Variants in LINGO3 observed in about 807,000 individuals in gnomAD.
LINGO3 encodes the protein leucine rich repeat and Ig domain containing 3.
For synonymous variants in LINGO3, 427 were observed against 444.2 expected (o/e 0.96, Z 0.49); for missense variants, 750 against 867.7 (o/e 0.86, Z 1.70).
At chr19:2,299,967 C>G in the LINGO3 span, among the ~76,000 whole-genome samples, 1 of 151,036 alleles carries the variant, frequency 6.6e-6, no homozygotes, top group African/African-American at 2.4e-5. Flanking sequence ...TCGTGATCCA[C>G]CGGCCTCGGC....
chr19:2,304,145 C>T, the LINGO3 span, among the ~76,000 whole-genome samples: 8 of 152,214 alleles, frequency 5.3e-5, no homozygotes, highest in Non-Finnish European at 1.0e-4. Flanking sequence ...AACATTCATT[C>T]AACAAGCATT....
the LINGO3 span, among the ~76,000 whole-genome samples, chr19:2,302,738 C>CACG: frequency 1.3e-5 from 2 of 152,262 alleles, no homozygotes; most frequent in African/African-American, 4.8e-5. Context: ...CATTACCATG[C>CACG]ACGACCAGCC....
the LINGO3 span, among the ~76,000 whole-genome samples, chr19:2,305,137 C>G: frequency 2.0e-5 from 3 of 152,126 alleles, no homozygotes; most frequent in Non-Finnish European, 4.4e-5. Flanking sequence ...TCATTGCAGT[C>G]TTGAAGAGGG....
chr19:2,291,548 G>T, exon 1 of LINGO3: 1 of 1,596,270 alleles, frequency 6.3e-7, no homozygotes, highest in Non-Finnish European at 8.5e-7. Flanking sequence ...AGCGCGGGCA[G>T]CGCGGCCAGG....
upstream of LINGO3, among the ~76,000 whole-genome samples, chr19:2,292,571 C>T (rs1009772516): frequency 2.8e-4 from 42 of 151,430 alleles, no homozygotes; most frequent in African/African-American, 9.2e-4. Flanking sequence ...CTCACTGAAA[C>T]CTCCACCTCC....
chr19:2,292,545 A>T (rs2025535679), upstream of LINGO3, among the ~76,000 whole-genome samples: 1 of 150,686 alleles, frequency 6.6e-6, no homozygotes, highest in African/African-American at 2.4e-5. Flanking sequence ...GCTGGAGTGC[A>T]GTGGCTTGAT....
chr19:2,304,981 C>T, the LINGO3 span, among the ~76,000 whole-genome samples: 1 of 152,220 alleles, frequency 6.6e-6, no homozygotes, highest in South Asian at 2.1e-4. Context: ...AATGCTCAGA[C>T]TACAAGCGTG....
the LINGO3 span, among the ~76,000 whole-genome samples, chr19:2,300,536 G>A: frequency 2.0e-5 from 3 of 152,022 alleles, no homozygotes; most frequent in Admixed American, 2.0e-4. Context: ...ACCTCCTGAT[G>A]GTGTGTCCCA....
upstream of LINGO3, among the ~76,000 whole-genome samples, chr19:2,294,490 CA>C (rs1241201651): frequency 9.2e-5 from 14 of 152,128 alleles, no homozygotes; most frequent in Admixed American, 9.2e-4. This position sits in a 1 kb window ranked among gnomAD's most constrained non-coding sequence, Gnocchi z 4.3. Flanking sequence ...CAGGCCGACC[CA>C]AAAGTTGAAC....
chr19:2,295,066 C>T (rs907125056), upstream of LINGO3, among the ~76,000 whole-genome samples: 3 of 152,190 alleles, frequency 2.0e-5, no homozygotes, highest in African/African-American at 4.8e-5. Context: ...AGTGCCTACG[C>T]GAATTTAATC....
chr19:2,298,423 G>A, the LINGO3 span, among the ~76,000 whole-genome samples: 1 of 151,534 alleles, frequency 6.6e-6, no homozygotes, highest in Non-Finnish European at 1.5e-5. Flanking sequence ...GTAGAGATAG[G>A]GTCTCACTCT....
upstream of LINGO3, among the ~76,000 whole-genome samples, chr19:2,295,287 A>G (rs994431323): frequency 2.0e-4 from 30 of 152,192 alleles, no homozygotes; most frequent in African/African-American, 6.5e-4. Flanking sequence ...CAACACAGGC[A>G]GAGACTGGAG....
chr19:2,303,115 C>T, the LINGO3 span, among the ~76,000 whole-genome samples: 1 of 152,208 alleles, frequency 6.6e-6, no homozygotes, highest in Admixed American at 6.5e-5. Context: ...AGCCCCGTCC[C>T]CTTCAGCAGT....
the LINGO3 span, among the ~76,000 whole-genome samples, chr19:2,301,906 C>G: frequency 8.2e-6 from 1 of 121,408 alleles, no homozygotes; most frequent in Non-Finnish European, 1.6e-5. Flanking sequence ...CCAGCCTGGG[C>G]GACAGAGCGA....
downstream of LINGO3, chr19:2,289,763 C>T (rs757722854): frequency 2.5e-6 from 1 of 404,962 alleles, no homozygotes; most frequent in Non-Finnish European, 4.4e-6. Flanking sequence ...CCAGCTCAGC[C>T]ACCATAGCAG....
the LINGO3 span, among the ~76,000 whole-genome samples, chr19:2,302,154 C>T: frequency 6.7e-6 from 1 of 149,148 alleles, no homozygotes; most frequent in Non-Finnish European, 1.5e-5. Context: ...CTCTGCCTCC[C>T]GGGTTAAAGC....
At chr19:2,289,999 C>A (rs769090388) in exon 1 of LINGO3, 1 of 1,537,082 alleles carries the variant, frequency 6.5e-7, no homozygotes, top group South Asian at 1.2e-5. Context: ...GGGGACCCCT[C>A]AGATCATCTT....
At chr19:2,289,922 C>T (rs1322350643) in exon 1 of LINGO3, 1 of 1,279,698 alleles carries the variant, frequency 7.8e-7, no homozygotes, top group Non-Finnish European at 1.1e-6. Context: ...CCCTTCCCCT[C>T]CGGGAAATGC....
chr19:2,291,323 G>T, exon 1 of LINGO3: 1 of 1,613,114 alleles, frequency 6.2e-7, no homozygotes, highest in East Asian at 2.2e-5. Context: ...AGCCGGCGCA[G>T]GCTGTGCAGG....
Sources: gnomAD v4.1 joint callset for allele counts (sites outside exome capture counted in the v4.1 genomes callset) on GRCh38, gnomAD v4.1.1 for gene constraint, Gnocchi (gnomAD v3.1) non-coding constraint, MANE v1.5 for transcripts, NCBI Gene and HGNC (gene_info 2026-07-23, HGNC 2026-07-21) for gene names.